ARHGEF16: variants seen among roughly 807,000 people sequenced by gnomAD.
The protein encoded by ARHGEF16 is Rho guanine exchange factor (GEF) 16.
In ARHGEF16, 59 loss-of-function variants were observed where a neutral mutation model predicts 74.1. That is an observed-to-expected ratio of 0.80 (90% CI 0.65 to 0.99). The LOEUF (loss-of-function observed/expected upper bound fraction) is 0.99. Ranked by LOEUF, ARHGEF16 falls within the 50% of genes least tolerant of loss-of-function variation. The pLI is 0.00. For missense variants in ARHGEF16, 948 were observed against 986.6 expected (o/e 0.96, Z 0.52); for synonymous variants, 415 against 412.6 (o/e 1.01, Z -0.07).
chr1:3,463,675 A>C lies in ARHGEF16; in HGVS notation c.588+3A>C. On this transcript the variant is annotated splice_donor_region_variant and intron_variant, in intron 2 of 14. Transcript: ENST00000378378. The stretch of plus-strand genomic sequence containing the variant: ...CTCGGAGCCCGGCCAAAAACAAGGT[A>C]GGGGCCTGCTCGTGTGGACCGTGGG... 1 of 1,412,600 alleles carries C rather than the reference A, an allele frequency of 7.1e-7. No individual in the cohort carries two copies. The highest frequency in any genetic ancestry group is 9.3e-7 in the Non-Finnish European group (1 of 1,077,490). 87.5% of individuals were successfully genotyped at this position (1,412,600 alleles called of 1,614,324 possible).
chr1:3,474,863 C>T (rs1639840956), intron 9 of ARHGEF16, 81 bp downstream of exon 9: 6 of 1,207,736 alleles, frequency 5.0e-6, no homozygotes, highest in Non-Finnish European at 5.8e-6. Flanking sequence ...TACCCGATGG[C>T]ATAGGGCTGG....
chr1:3,466,305 C>T (rs1639543285), intron 3 of ARHGEF16, 112 bp downstream of exon 3: 1 of 1,176,940 alleles, frequency 8.5e-7, no homozygotes, highest in Admixed American at 2.9e-5. Flanking sequence ...GTCACCAAAG[C>T]TGCTTGACAG....
rs549476650 is a variant in ARHGEF16, at chr1:3,477,867, C to A, written c.1474-8C>A. On this transcript the variant is annotated splice_region_variant and splice_polypyrimidine_tract_variant and intron_variant, in intron 10 of 14. Coordinates refer to ENST00000378378, the MANE Select transcript of ARHGEF16 (RefSeq NM_014448.4). ...ACTGATCTCCGCCTCCCGGCTCTGT[C>A]CCCCCAGTCCCTCCCACTGATCTCT... The A allele has an allele frequency of 1.2e-6, 2 of 1,602,394 alleles. No individual in the cohort carries two copies. Among genetic ancestry groups the A allele is most frequent in the Non-Finnish European group, 1.7e-6 (2 of 1,171,494 alleles).
chr1:3,463,592 G>A lies in ARHGEF16; in HGVS notation c.508G>A (p.Ala170Thr), dbSNP rs1639463846. ...GGGGAAGCCAGGTGGCCAGGGAGAT[G>A]CCATCCAGCTAAGCCCTAAGCTCCA... is the stretch of plus-strand genomic sequence containing the variant. ...GLGKPGGQGD[A>T]IQLSPKLQAL... is the part of the protein sequence containing the mutation. The change falls in exon 2 of 15, where the codon GCC becomes ACC. Residue 170 changes from alanine (A) to threonine (T), a missense_variant. Coordinates refer to ENST00000378378, the MANE Select transcript of ARHGEF16 (RefSeq NM_014448.4). 3.5e-6 allele frequency: 5 copies of A among 1,448,410 alleles called. No homozygotes were observed. The highest frequency in any genetic ancestry group is 2.7e-6 in the Non-Finnish European group (3 of 1,097,138). The allele number at this position is 1,448,410 out of a possible 1,614,324, so 89.7% of individuals were successfully genotyped here.
chr1:3,478,613 G>T lies in ARHGEF16; in HGVS notation c.1814+1G>T, dbSNP rs374272150. 1.2e-6 allele frequency: 2 copies of T among 1,603,074 alleles called. No homozygotes were observed. Among genetic ancestry groups the T allele is most frequent in the South Asian group, 1.1e-5 (1 of 90,164 alleles). The stretch of plus-strand genomic sequence containing the variant: ...AGCTCCTGCTCTCCTCGGACTCCGC[G>T]TAAGTGGGCTCCCGGGAGGGCTGTT... On this transcript the variant is annotated splice_donor_variant, in intron 12 of 14. Coordinates refer to ENST00000378378, the MANE Select transcript of ARHGEF16 (RefSeq NM_014448.4). LOFTEE classifies it high-confidence loss of function.
intron 4 of ARHGEF16, chr1:3,468,576 T>C (rs989799213): frequency 8.0e-5 from 34 of 423,450 alleles, no homozygotes; most frequent in Non-Finnish European, 1.4e-4. Flanking sequence ...GGAAGATCTG[T>C]GGGACAAGAT....
Position 3,463,165 on chromosome 1 carries a change from C to CG in ARHGEF16, c.87dup (p.Asn30GlufsTer16), listed in dbSNP as rs1382215746. The CG allele has an allele frequency of 2.0e-6, 3 of 1,516,798 alleles. No individual in the cohort carries two copies. The highest frequency in any genetic ancestry group is 2.8e-5 in the African/African-American group (2 of 71,756). The allele number at this position is 1,516,798 out of a possible 1,614,324, so 94.0% of individuals were successfully genotyped here. A position where few individuals can be genotyped will look rare whatever the true frequency, so the allele number is the denominator to read the frequency against. On this transcript the variant is annotated frameshift_variant, in exon 2 of 15. Transcript: ENST00000378378. LOFTEE classifies it high-confidence loss of function. ...TCCACTCGGAGCTCCGGCTCGATGC[C>CG]GGGGGGAACCCAGCCTCCGGGCTCC...
chr1:3,463,659 C>G lies in ARHGEF16; in HGVS notation c.575C>G (p.Pro192Arg). 2 of 1,410,062 alleles carry G rather than the reference C, an allele frequency of 1.4e-6. No homozygotes were observed. The highest frequency in any genetic ancestry group is 1.9e-6 in the Non-Finnish European group (2 of 1,075,748). The allele number at this position is 1,410,062 out of a possible 1,614,324, so 87.3% of individuals were successfully genotyped here. ...EEPSQPHTRS[P>R]AKNKKTLGRK... The stretch of plus-strand genomic sequence containing the variant: ...CCCAGCCAGCCTCATACTCGGAGCC[C>G]GGCCAAAAACAAGGTAGGGGCCTGC... The change falls in exon 2 of 15, where the codon CCG becomes CGG. Residue 192 changes from proline to arginine, a missense_variant. Transcript: ENST00000378378.
Position 3,463,110 on chromosome 1 carries a change from C to G in ARHGEF16, c.26C>G (p.Ser9Cys), listed in dbSNP as rs1569843707. 6.8e-7 allele frequency: 1 copy of G among 1,465,986 alleles called. No individual in the cohort carries two copies. Among genetic ancestry groups the G allele is most frequent in the East Asian group, 2.5e-5 (1 of 40,066 alleles). 90.8% of individuals were successfully genotyped at this position (1,465,986 alleles called of 1,614,324 possible). A position where few individuals can be genotyped will look rare whatever the true frequency, so the allele number is the denominator to read the frequency against. Residue 9 changes from serine (S) to cysteine (C), a missense_variant, in exon 2 of 15, where the codon TCC (serine) becomes TGC (cysteine). By Grantham distance (112) the Ser-to-Cys change is moderately radical (BLOSUM62 -1). Transcript: ENST00000378378. MAQRHSDSSLEEKLLGHRF... is the reference protein window; with the variant it reads MAQRHSDSCLEEKLLGHRF... ...ATGGCCCAGCGGCACTCAGACAGCT[C>G]CTTGGAGGAGAAGCTCCTGGGACAC...
Position 3,473,533 on chromosome 1 carries a change from G to A in ARHGEF16, c.1305+11G>A, listed in dbSNP as rs1438225464. The A allele has an allele frequency of 1.1e-5, 17 of 1,605,174 alleles. No individual in the cohort carries two copies. Among genetic ancestry groups the A allele is most frequent in the Admixed American group, 5.0e-5 (3 of 60,000 alleles). Reference sequence around the variant, plus strand: ...CCCCTCCTGATGGATGTAAGTCCACGGCCTGAGGGTGGGGCCGGGCATACC... The same window carrying A: ...CCCCTCCTGATGGATGTAAGTCCACAGCCTGAGGGTGGGGCCGGGCATACC... On this transcript the variant is annotated intron_variant, in intron 8 of 14. Coordinates refer to ENST00000378378, the MANE Select transcript of ARHGEF16 (RefSeq NM_014448.4).
At chr1:3,470,188 G>A (rs1639667196) in intron 6 of ARHGEF16, among the ~76,000 whole-genome samples, 1 of 150,420 alleles carries the variant, frequency 6.6e-6, no homozygotes. Flanking sequence ...TGAGTGGGCT[G>A]GCCCCGAGGC....
Position 3,455,369 on chromosome 1 carries a change from T to C in ARHGEF16, c.-20+558T>C, listed in dbSNP as rs1057379518. Among the ~76,000 whole-genome samples, 10 of 152,026 alleles carry C rather than the reference T, an allele frequency of 6.6e-5. No individual in the cohort carries two copies. In the East Asian group the frequency reaches 1.9e-3, roughly 30 times the overall value. On this transcript the variant is annotated intron_variant, in intron 1 of 14. Coordinates refer to ENST00000378378, the MANE Select transcript of ARHGEF16 (RefSeq NM_014448.4). The stretch of plus-strand genomic sequence containing the variant: ...AAACCATACGCCCCTCCCCCACCCT[T>C]GACCTTGGTGGGCGGTGGCAGGGAG...
In ARHGEF16 at chr1:3,469,611, C is replaced by T; in HGVS notation, c.1022+18C>T. On this transcript the variant is annotated intron_variant, in intron 6 of 14. Coordinates refer to ENST00000378378, the MANE Select transcript of ARHGEF16 (RefSeq NM_014448.4). ...AGTCAGAGGTGAGGCCACGCCACAG[C>T]CTTCCACACAGGGTCCTCTGCCAGG... The T allele has an allele frequency of 6.2e-7, 1 of 1,612,136 alleles. No individual in the cohort carries two copies. The highest frequency in any genetic ancestry group is 8.5e-7 in the Non-Finnish European group (1 of 1,179,692).
chr1:3,458,916 G>A (rs1047482069), intron 1 of ARHGEF16, among the ~76,000 whole-genome samples: 6 of 152,212 alleles, frequency 3.9e-5, no homozygotes, highest in African/African-American at 1.2e-4. Context: ...AAGACCAGGG[G>A]CCAATAAGAA....
At chr1:3,465,097 C>T (rs1027506414) in intron 2 of ARHGEF16, among the ~76,000 whole-genome samples, 3 of 152,244 alleles carry the variant, frequency 2.0e-5, no homozygotes, top group Non-Finnish European at 4.4e-5. Flanking sequence ...GGCCCCAGCA[C>T]TCTCTACACC....
chr1:3,459,143 C>T (rs1333524253), intron 1 of ARHGEF16, among the ~76,000 whole-genome samples: 2 of 152,136 alleles, frequency 1.3e-5, no homozygotes, highest in Non-Finnish European at 2.9e-5. Flanking sequence ...ATGGACCCTA[C>T]GGGGGCACAT....
In ARHGEF16 at chr1:3,473,078, G is replaced by A. The variant is rs746778046; in HGVS notation, c.1023G>A (p.Arg341=). ...CCTCCTCACCCCTCCTTGCCTTCAG[G>A]TTCTTCGAGGACCTGGAGCAGCGGC... ...NILDVLGASQ[R]FFEDLEQRHK... The change falls in exon 7 of 15, where the codon AGG becomes AGA. Residue 341 remains arginine (R), a splice_region_variant and synonymous_variant. Coordinates refer to ENST00000378378, the MANE Select transcript of ARHGEF16 (RefSeq NM_014448.4). 6.1e-5 allele frequency: 98 copies of A among 1,612,192 alleles called. No individual in the cohort carries two copies. In the South Asian group the frequency reaches 9.8e-4, roughly 16 times the overall value.
intron 12 of ARHGEF16, 125 bp downstream of exon 12, chr1:3,478,737 C>A: frequency 8.8e-7 from 1 of 1,135,302 alleles, no homozygotes; most frequent in Non-Finnish European, 1.2e-6. Context: ...TGCACCTGGC[C>A]CTGCTGTAGG....
At chr1:3,472,690 C>T (rs1048138738) in intron 6 of ARHGEF16, 13 of 174,212 alleles carry the variant, frequency 7.5e-5, no homozygotes, top group Admixed American at 4.2e-4. Flanking sequence ...GAGGCCCAGT[C>T]GTTTTAGCTG....
Sources: allele counts gnomAD v4.1 joint callset (sites outside exome capture counted in the v4.1 genomes callset), GRCh38; gene constraint gnomAD v4.1.1; transcripts MANE v1.5; gene names NCBI Gene and HGNC (gene_info 2026-07-23, HGNC 2026-07-21).